Variants in OR3A3 observed in about 807,000 individuals in gnomAD.
OR3A3 encodes olfactory receptor family 3 subfamily A member 3, also known as olfactory receptor 3A3.
For synonymous variants in OR3A3, 103 were observed against 163.9 expected, an observed-to-expected ratio of 0.63 and a Z score of 2.84; for missense variants, 275 against 391.4, an observed-to-expected ratio of 0.70 and a Z score of 2.51.
chr17:3,420,256 G>A (rs1043090286), intron 2 of OR3A3, among the ~76,000 whole-genome samples: 25 of 151,970 alleles, frequency 1.6e-4, no homozygotes, highest in Admixed American at 1.0e-3. Flanking sequence ...CCCCCTTCCG[G>A]CAAGAGCAAC....
chr17:3,412,720 C>A (rs193052957), intron 2 of OR3A3, among the ~76,000 whole-genome samples: 7 of 151,902 alleles, frequency 4.6e-5, no homozygotes, highest in African/African-American at 7.3e-5. Context: ...CTACCCCTGA[C>A]CATGACTTAC....
exon 3 of OR3A3, chr17:3,421,484 T>G (rs1377344000): frequency 2.6e-6 from 4 of 1,558,588 alleles, no homozygotes; most frequent in Non-Finnish European, 3.5e-6. Context: ...AATACTGATG[T>G]TCAGGGCGCT....
At chr17:3,413,822 AAAAAAAAC>A (rs1471138344) in intron 2 of OR3A3, among the ~76,000 whole-genome samples, 18 of 108,568 alleles carry the variant, frequency 1.7e-4, no homozygotes, top group African/African-American at 4.4e-4. Flanking sequence ...CTCCATCTCA[AAAAAAAAC>A]AAAAAAACAA....
chr17:3,419,948 T>C (rs1056702450), intron 2 of OR3A3, among the ~76,000 whole-genome samples: 4 of 152,020 alleles, frequency 2.6e-5, no homozygotes, highest in Non-Finnish European at 4.4e-5. Context: ...TTTGTATTTT[T>C]AGTAGAGACG....
chr17:3,423,412 C>T (rs1428543000), exon 3 of OR3A3: 1 of 152,264 alleles, frequency 6.6e-6, no homozygotes, highest in African/African-American at 2.4e-5. Context: ...TCCTGTGTTC[C>T]ACCTGTCCTC....
At chr17:3,423,080 A>G (rs920101265) in exon 3 of OR3A3, 1 of 152,182 alleles carries the variant, frequency 6.6e-6, no homozygotes, top group Non-Finnish European at 1.5e-5. Flanking sequence ...AATCACGGAC[A>G]CGGGTTGTAA....
At chr17:3,414,820 G>T (rs557801633) in intron 2 of OR3A3, among the ~76,000 whole-genome samples, 53 of 152,250 alleles carry the variant, frequency 3.5e-4, no homozygotes, top group African/African-American at 1.1e-3. Flanking sequence ...CAGCGTGCAA[G>T]GCAAGGGACT....
chr17:3,421,325 A>C, exon 3 of OR3A3: 1 of 1,613,976 alleles, frequency 6.2e-7, no homozygotes. Flanking sequence ...TGTGGCTCCC[A>C]CCTCACTGTG....
chr17:3,417,682 G>T (rs888574958), intron 2 of OR3A3, among the ~76,000 whole-genome samples: 3 of 151,938 alleles, frequency 2.0e-5, no homozygotes, highest in Non-Finnish European at 4.4e-5. Context: ...AAAATTCTTT[G>T]GTTACATTTT....
Position 3,412,413 on chromosome 17 carries a change from C to A in OR3A3, c.-7+242C>A, listed in dbSNP as rs899156837. On this transcript the variant is annotated intron_variant, in intron 2 of 2. Coordinates refer to ENST00000641141, the Ensembl canonical transcript of OR3A3. ...GAGGAGACTCGCTCAGACCAGTTCACTGCCCGCACCCACTGCATCAGGCAG... is the reference window on the plus strand; with the variant it reads ...GAGGAGACTCGCTCAGACCAGTTCAATGCCCGCACCCACTGCATCAGGCAG... Among the ~76,000 whole-genome samples, 4 of 147,614 alleles carry A rather than the reference C, an allele frequency of 2.7e-5. No homozygotes were observed. The Admixed American group carries it at 2.8e-4, about 10-fold the overall frequency.
intron 2 of OR3A3, among the ~76,000 whole-genome samples, chr17:3,417,095 T>G (rs1246288284): frequency 6.6e-6 from 1 of 152,072 alleles, no homozygotes; most frequent in Non-Finnish European, 1.5e-5. Context: ...ATGCTTATAC[T>G]TTTTTGCTTT....
chr17:3,419,982 TG>T (rs1419274775), intron 2 of OR3A3, among the ~76,000 whole-genome samples: 1 of 152,130 alleles, frequency 6.6e-6, no homozygotes, highest in Non-Finnish European at 1.5e-5. Context: ...TTAGCCAGGA[TG>T]GTCTCAATCT....
chr17:3,413,845 C>CAAAAAACA (rs113254525), intron 2 of OR3A3, among the ~76,000 whole-genome samples: 9,130 of 142,890 alleles, frequency 0.064, 318 homozygotes, highest in Middle Eastern at 0.12. Context: ...AAACAAAAAA[C>CAAAAAACA]AAAAAAAAAA....
At chr17:3,415,271 A>C (rs552985422) in intron 2 of OR3A3, among the ~76,000 whole-genome samples, 1 of 151,834 alleles carries the variant, frequency 6.6e-6, no homozygotes, top group African/African-American at 2.4e-5. Flanking sequence ...TATTTTTAAG[A>C]GTTTTCCAGC....
exon 3 of OR3A3, chr17:3,421,445 T>C: frequency 6.2e-7 from 1 of 1,601,320 alleles, no homozygotes; most frequent in Non-Finnish European, 8.5e-7. Flanking sequence ...ATCAACCCCA[T>C]GCTGAACCCA....
At chr17:3,421,238 G>C (rs143627345) in exon 3 of OR3A3, 6 of 1,614,184 alleles carry the variant, frequency 3.7e-6, no homozygotes, top group Non-Finnish European at 5.1e-6. Context: ...GTCTTCATCA[G>C]TGTGTCCTAT....
chr17:3,415,792 T>C (rs1371650348), intron 2 of OR3A3, among the ~76,000 whole-genome samples: 8 of 130,464 alleles, frequency 6.1e-5, no homozygotes, highest in Non-Finnish European at 1.3e-4. Flanking sequence ...TATTTACTTA[T>C]TTTTAAATTA....
In OR3A3 at chr17:3,421,317, T is replaced by A; in HGVS notation, c.732T>A (p.Cys244Ter). The change falls in exon 3 of 3, where the codon TGT becomes TGA. Residue 244 changes from cysteine (C) to a stop codon, truncating the protein, a stop_gained. Transcript: ENST00000641141. LOFTEE classifies it high-confidence loss of function. The stretch of plus-strand genomic sequence containing the variant: ...GCAGAAAGAAGGCCTTCTCCACATG[T>A]GGCTCCCACCTCACTGTGGTGGGCA... 1 of 1,614,218 alleles carries A rather than the reference T, an allele frequency of 6.2e-7. No individual in the cohort carries two copies. Among genetic ancestry groups the A allele is most frequent in the South Asian group, 1.1e-5 (1 of 91,084 alleles).
chr17:3,413,864 G>C lies in OR3A3; in HGVS notation c.-7+1693G>C, dbSNP rs2072375819. 2.1e-5 allele frequency among the ~76,000 whole-genome samples: 3 copies of C among 140,574 alleles called. No individual in the cohort carries two copies. The South Asian group carries it at 6.7e-4, about 31-fold the overall frequency. The allele number at this position is 140,574 out of a possible 152,430, so 92.2% of individuals were successfully genotyped here. ...AAAAAACAAAAAAAAAAAACTTTAA[G>C]GACCTCTTAGAGATTACCGCATCCA... On this transcript the variant is annotated intron_variant, in intron 2 of 2. Transcript: ENST00000641141.
Sources: gnomAD v4.1 joint callset for allele counts (sites outside exome capture counted in the v4.1 genomes callset) on GRCh38, gnomAD v4.1.1 for gene constraint, MANE v1.5 for transcripts, NCBI Gene and HGNC (gene_info 2026-07-23, HGNC 2026-07-21) for gene names.